Variants in TNFRSF13B observed in about 807,000 individuals in gnomAD.
TNFRSF13B encodes the protein tumor necrosis factor receptor superfamily member 13B.
TNFRSF13B carries 34 observed loss-of-function variants against 24.0 expected under a neutral mutation model. That is an observed-to-expected ratio of 1.41 (90% CI 1.08 to 1.88). TNFRSF13B has a LOEUF of 1.88. Among genes scored for constraint, TNFRSF13B ranks in the 40% most tolerant of loss-of-function variants. The pLI, the probability that TNFRSF13B is intolerant of heterozygous loss-of-function variation, is 0.00. For synonymous variants in TNFRSF13B, 173 were observed against 150.3 expected, an observed-to-expected ratio of 1.15 and a Z score of -1.10; for missense variants, 415 against 380.8, an observed-to-expected ratio of 1.09 and a Z score of -0.75.
At chr17:16,963,401 A>C (rs1443259990) in intron 1 of TNFRSF13B, among the ~76,000 whole-genome samples, 2 of 152,132 alleles carry the variant, frequency 1.3e-5, no homozygotes, top group East Asian at 3.9e-4. Context: ...GGAGTGAAGG[A>C]GCAGGGTTGG....
intron 2 of TNFRSF13B, among the ~76,000 whole-genome samples, chr17:16,951,352 A>C (rs2087587369): frequency 6.6e-6 from 1 of 152,242 alleles, no homozygotes; most frequent in Admixed American, 6.5e-5. Flanking sequence ...AAACACATAC[A>C]CATGAAAGAA....
chr17:16,968,056 G>A (rs1597670247), intron 1 of TNFRSF13B, among the ~76,000 whole-genome samples: 1 of 149,548 alleles, frequency 6.7e-6, no homozygotes. Flanking sequence ...CAGGAAAATG[G>A]CATGAACCCG....
chr17:16,948,868 C>G lies in TNFRSF13B; in HGVS notation c.315G>C (p.Glu105Asp). The change falls in exon 3 of 5, where the codon GAG becomes GAC. Residue 105 changes from glutamate to aspartate, a missense_variant. Physicochemically the swap from Glu to Asp is conservative, Grantham distance 45. Coordinates refer to ENST00000261652, the MANE Select transcript of TNFRSF13B (RefSeq NM_012452.3). ...GGTTCACTGGGCTCCTGAGCTTGTTCTCACAGAAGTATGCACATTGCTTAG... is the reference window on the plus strand; with the variant it reads ...GGTTCACTGGGCTCCTGAGCTTGTTGTCACAGAAGTATGCACATTGCTTAG... Reference protein sequence around the residue: ...QHPKQCAYFCENKLRSPVNLP... With the variant: ...QHPKQCAYFCDNKLRSPVNLP... 2 of 1,614,220 alleles carry G rather than the reference C, an allele frequency of 1.2e-6. No homozygotes were observed.
chr17:16,963,371 G>C (rs1288014420), intron 1 of TNFRSF13B, among the ~76,000 whole-genome samples: 1 of 152,174 alleles, frequency 6.6e-6, no homozygotes, highest in Non-Finnish European at 1.5e-5. Context: ...TTTCCTCCTT[G>C]GTGGGGAGGT....
chr17:16,952,513 C>T lies in TNFRSF13B; in HGVS notation c.132G>A (p.Leu44=), dbSNP rs200936104. ...TGGTTTTGCAGGACATGCAGGTACC[C>T]AGCAGAGGATCCCAGTACTGCTCTT... ...CPEEQYWDPL[L]GTCMSCKTIC... The change falls in exon 2 of 5, where the codon CTG becomes CTA. Residue 44 remains leucine, a synonymous_variant. Coordinates refer to ENST00000261652, the MANE Select transcript of TNFRSF13B (RefSeq NM_012452.3). 4.3e-6 allele frequency: 7 copies of T among 1,614,214 alleles called. No homozygotes were observed. The East Asian group carries it at 1.1e-4, about 26-fold the overall frequency.
At chr17:16,967,095 T>G (rs2087707084) in intron 1 of TNFRSF13B, among the ~76,000 whole-genome samples, 1 of 152,132 alleles carries the variant, frequency 6.6e-6, no homozygotes, top group South Asian at 2.1e-4. Flanking sequence ...CACCTCAGAC[T>G]TTCAAAGTGC....
chr17:16,952,438 G>T lies in TNFRSF13B; in HGVS notation c.199+8C>A, dbSNP rs999691696. 6.2e-7 allele frequency: 1 copy of T among 1,613,912 alleles called. No individual in the cohort carries two copies. The highest frequency in any genetic ancestry group is 1.3e-5 in the African/African-American group (1 of 74,934). ...CACTGTCCCCTCGGCTCAGGCCCCA[G>T]AACTCACTGCAGAAGGCTGCACAGG... On this transcript the variant is annotated splice_region_variant and intron_variant, in intron 2 of 4. Transcript: ENST00000261652.
At chr17:16,945,598 A>T (rs1434260500) in intron 3 of TNFRSF13B, among the ~76,000 whole-genome samples, 1 of 152,180 alleles carries the variant, frequency 6.6e-6, no homozygotes, top group East Asian at 1.9e-4. Flanking sequence ...GTTTGCAGGA[A>T]GTTTCAAATG....
At position 16,939,911 on chromosome 17, in the gene TNFRSF13B, C is replaced by T. The variant is rs183189101; in HGVS notation, c.632-114G>A. 653 of 1,374,870 alleles carry T rather than the reference C, an allele frequency of 4.7e-4. 1 individual carries two copies. The African/African-American group carries it at 8.6e-3, about 18-fold the overall frequency. The allele number at this position is 1,374,870 out of a possible 1,614,324, so 85.2% of individuals were successfully genotyped here. A position where few individuals can be genotyped will look rare whatever the true frequency, so the allele number is the denominator to read the frequency against. On this transcript the variant is annotated intron_variant, in intron 4 of 4. Coordinates refer to ENST00000261652, the MANE Select transcript of TNFRSF13B (RefSeq NM_012452.3). ...CCCAGGAGCTAAGGGCAATCACCAG[C>T]GTAGAACGCCCCCAGACAGGTGTCA...
intron 1 of TNFRSF13B, among the ~76,000 whole-genome samples, chr17:16,969,202 T>C (rs554044785): frequency 6.6e-6 from 1 of 152,348 alleles, no homozygotes; most frequent in East Asian, 1.9e-4. Context: ...TAGGTATCTA[T>C]CTACTTAAGA....
chr17:16,970,104 C>T (rs1006975492), intron 1 of TNFRSF13B, among the ~76,000 whole-genome samples: 1 of 152,208 alleles, frequency 6.6e-6, no homozygotes, highest in Non-Finnish European at 1.5e-5. Context: ...ACCAGAGGGC[C>T]TGTCCCCGCC....
intron 1 of TNFRSF13B, among the ~76,000 whole-genome samples, chr17:16,956,915 C>G (rs1440685733): frequency 6.6e-6 from 1 of 152,142 alleles, no homozygotes; most frequent in Non-Finnish European, 1.5e-5. Flanking sequence ...AGCTACTCTG[C>G]AAGATACTCC....
chr17:16,950,172 A>G (rs1320644838), intron 2 of TNFRSF13B, among the ~76,000 whole-genome samples: 1 of 152,242 alleles, frequency 6.6e-6, no homozygotes, highest in African/African-American at 2.4e-5. Flanking sequence ...TTTTGGAGAC[A>G]GTGCAGGATA....
intron 1 of TNFRSF13B, among the ~76,000 whole-genome samples, chr17:16,959,234 C>T (rs753837092): frequency 1.3e-5 from 2 of 151,388 alleles, no homozygotes; most frequent in East Asian, 1.9e-4. Flanking sequence ...ACAAATTGGT[C>T]GAAGAAGAAA....
chr17:16,940,600 C>G (rs1317305834), intron 3 of TNFRSF13B, 89 bp from the exon 4 acceptor site: 8 of 1,542,354 alleles, frequency 5.2e-6, no homozygotes, highest in Non-Finnish European at 7.0e-6. Context: ...CATCCCCCTG[C>G]TGTGAGCCTG....
At chr17:16,944,136 G>A (rs544443318) in intron 3 of TNFRSF13B, among the ~76,000 whole-genome samples, 4 of 152,262 alleles carry the variant, frequency 2.6e-5, no homozygotes, top group Admixed American at 1.3e-4. Context: ...TCCTGCTTCT[G>A]TGGAGTGGCC....
intron 1 of TNFRSF13B, among the ~76,000 whole-genome samples, chr17:16,966,231 G>T (rs1257147027): frequency 6.7e-6 from 1 of 149,870 alleles, no homozygotes; most frequent in Non-Finnish European, 1.5e-5. Flanking sequence ...TCCAGCCTAC[G>T]CAACAGAGTG....
rs555606849 is a variant in TNFRSF13B at position 16,953,749 on chromosome 17, G to A, written c.62-1166C>T. Among the ~76,000 whole-genome samples, 20 of 152,194 alleles carry A rather than the reference G, an allele frequency of 1.3e-4. No individual in the cohort carries two copies. The South Asian group carries it at 3.3e-3, about 25-fold the overall frequency. On this transcript the variant is annotated intron_variant, in intron 1 of 4. Transcript: ENST00000261652. ...AACTTCTCCTTAAAAATGCTTAAAA[G>A]CATTTTGCAAGGCATATGTTTGTTC... is the stretch of plus-strand genomic sequence containing the variant.
chr17:16,968,918 T>G (rs2087724509), intron 1 of TNFRSF13B, among the ~76,000 whole-genome samples: 1 of 152,146 alleles, frequency 6.6e-6, no homozygotes, highest in Non-Finnish European at 1.5e-5. Flanking sequence ...AAAAAAACCA[T>G]ATAAATGGCT....
Sources: gnomAD v4.1 joint callset for allele counts (sites outside exome capture counted in the v4.1 genomes callset) on GRCh38, gnomAD v4.1.1 for gene constraint, MANE v1.5 for transcripts, NCBI Gene and HGNC (gene_info 2026-07-23, HGNC 2026-07-21) for gene names.